The following EFR3A variants were observed in gnomAD, a reference collection of about 807,000 sequenced individuals.
The protein encoded by EFR3A is EFR3 homolog A, also known as protein EFR3 homolog A.
Under a neutral mutation model 104.4 loss-of-function variants are expected in EFR3A, and 76 were observed. The ratio of observed to expected loss-of-function variants is 0.73; its 90% CI spans 0.60 to 0.88. The LOEUF (loss-of-function observed/expected upper bound fraction) is 0.88. Ranked by LOEUF, EFR3A falls within the 40% of genes least tolerant of loss-of-function variation. The probability of loss-of-function intolerance (pLI) is 0.00; values close to 1 mark genes in which losing one functional copy is unlikely to be tolerated. For missense variants in EFR3A, 985 were observed against 1,012.5 expected (o/e 0.97, Z 0.37); for synonymous variants, 330 against 330.0 (o/e 1.00, Z 0.00).
chr8:131,925,516 A>G (rs144777386), intron 1 of EFR3A, among the ~76,000 whole-genome samples: 278 of 152,292 alleles, frequency 1.8e-3, no homozygotes, highest in Non-Finnish European at 3.1e-3. Context: ...AATGATTATG[A>G]AGAAATTATC....
rs202154268 is a variant in EFR3A at position 131,978,870 on chromosome 8, G to A, written c.1350G>A (p.Lys450=). The change falls in exon 13 of 23, where the codon AAG becomes AAA. Residue 450 remains lysine (K), a synonymous_variant. Transcript: ENST00000254624. The stretch of plus-strand genomic sequence containing the variant: ...AGGTGACCTCTGGATATAAAGCGAA[G>A]ACGATTGTTACTGCACTGCCAGGGT... The part of the protein sequence containing the change: ...LLMVTSGYKA[K]TIVTALPGSF... 6.9e-6 allele frequency: 11 copies of A among 1,603,938 alleles called. No individual in the cohort carries two copies. The African/African-American group carries it at 1.3e-4, about 20-fold the overall frequency.
At chr8:132,002,822 T>C in intron 21 of EFR3A, 116 bp downstream of exon 21, 1 of 777,158 alleles carries the variant, frequency 1.3e-6, no homozygotes, top group Non-Finnish European at 2.1e-6. Context: ...CACAGGAAAA[T>C]ATATCAGATA....
chr8:131,977,865 T>A (rs1820404495), intron 12 of EFR3A, among the ~76,000 whole-genome samples: 2 of 152,174 alleles, frequency 1.3e-5, no homozygotes, highest in South Asian at 4.1e-4. Flanking sequence ...ACTTTTTCAT[T>A]TGTATCTTAT....
rs572461728 is a variant in EFR3A at position 131,965,066 on chromosome 8, C to A, written c.856-3229C>A. ...CTTACACCTTATACAAAAATTAATT[C>A]AAGATGGATTAAAGACTTAAATGTT... On this transcript the variant is annotated intron_variant, in intron 8 of 22. Transcript: ENST00000254624. Among the ~76,000 whole-genome samples the A allele has an allele frequency of 1.8e-3, 267 of 152,156 alleles. 9 individuals are homozygous for A. The highest frequency in any genetic ancestry group is 4.7e-4 in the Non-Finnish European group (32 of 68,022).
intron 1 of EFR3A, among the ~76,000 whole-genome samples, chr8:131,910,071 G>T (rs1261347750): frequency 1.3e-5 from 2 of 152,190 alleles, no homozygotes; most frequent in Admixed American, 1.3e-4. Context: ...GCCAGGGTGG[G>T]CAGGTTCCCC....
At chr8:131,912,409 C>T (rs949122485) in intron 1 of EFR3A, among the ~76,000 whole-genome samples, 1 of 152,088 alleles carries the variant, frequency 6.6e-6, no homozygotes, top group African/African-American at 2.4e-5. Context: ...ACTATGAATC[C>T]TATGTGGTTA....
Position 132,010,968 on chromosome 8 carries a change from A to C in EFR3A, c.*73A>C. ...AGGCCAAGCTGAGCTTTCAGGGTTT[A>C]CTTAATGTGTATTAACATACTTCTT... On this transcript the variant is annotated 3_prime_UTR_variant, in exon 23 of 23. Coordinates refer to ENST00000254624, the MANE Select transcript of EFR3A (RefSeq NM_015137.6). The C allele has an allele frequency of 6.8e-7, 1 of 1,470,602 alleles. No individual in the cohort carries two copies. Among genetic ancestry groups the C allele is most frequent in the Non-Finnish European group, 9.2e-7 (1 of 1,090,246 alleles). 91.1% of individuals were successfully genotyped at this position (1,470,602 alleles called of 1,614,324 possible).
intron 5 of EFR3A, among the ~76,000 whole-genome samples, chr8:131,952,142 C>T (rs763177026): frequency 5.9e-5 from 9 of 152,004 alleles, no homozygotes; most frequent in Admixed American, 6.6e-5. Context: ...TTACCACCAC[C>T]ACCACCACCA....
At chr8:131,944,440 T>A (rs1171335231) in intron 2 of EFR3A, among the ~76,000 whole-genome samples, 1 of 152,110 alleles carries the variant, frequency 6.6e-6, no homozygotes, top group South Asian at 2.1e-4. Context: ...GTTTGAAATC[T>A]TTTTACATCT....
In EFR3A at chr8:131,936,218, G is replaced by A. The variant is rs570450108; in HGVS notation, c.11-4281G>A. Among the ~76,000 whole-genome samples the A allele has an allele frequency of 2.6e-5, 4 of 152,230 alleles. No individual in the cohort carries two copies. In the South Asian group the frequency reaches 6.2e-4, roughly 24 times the overall value. ...CTAAGAGGCATTGCTGAATCTATAT[G>A]AGAATGATGTTAGGGGAGCAAAGGA... On this transcript the variant is annotated intron_variant, in intron 1 of 22. Coordinates refer to ENST00000254624, the MANE Select transcript of EFR3A (RefSeq NM_015137.6).
At chr8:131,986,482 A>C (rs1820889017) in intron 17 of EFR3A, among the ~76,000 whole-genome samples, 1 of 152,084 alleles carries the variant, frequency 6.6e-6, no homozygotes, top group Admixed American at 6.6e-5. Flanking sequence ...TCTTGAAAAA[A>C]TTTTTTAAGA....
At chr8:131,922,837 G>GT (rs1817116370) in intron 1 of EFR3A, among the ~76,000 whole-genome samples, 1 of 152,000 alleles carries the variant, frequency 6.6e-6, no homozygotes, top group South Asian at 2.1e-4. Flanking sequence ...TTGGTTTCTT[G>GT]TTGTCTTTAC....
chr8:131,990,729 G>C (rs1821136105), intron 18 of EFR3A, among the ~76,000 whole-genome samples: 1 of 152,102 alleles, frequency 6.6e-6, no homozygotes, highest in Non-Finnish European at 1.5e-5. Context: ...TAGGAGAAAT[G>C]ACAGTGGCCC....
chr8:131,949,185 A>C (rs1818581181), intron 4 of EFR3A, among the ~76,000 whole-genome samples: 1 of 152,088 alleles, frequency 6.6e-6, no homozygotes, highest in African/African-American at 2.4e-5. Flanking sequence ...ATACTATGCA[A>C]CATTGGTTCA....
chr8:131,933,543 A>G (rs1356269794), intron 1 of EFR3A, among the ~76,000 whole-genome samples: 1 of 152,120 alleles, frequency 6.6e-6, no homozygotes, highest in Admixed American at 6.5e-5. Context: ...GAAATCTCTC[A>G]GAATAATATT....
intron 3 of EFR3A, among the ~76,000 whole-genome samples, chr8:131,945,799 T>C (rs1396776242): frequency 1.3e-5 from 2 of 152,084 alleles, no homozygotes; most frequent in Non-Finnish European, 2.9e-5. Context: ...TTCAAGTCCT[T>C]TTCTAGCTAC....
intron 4 of EFR3A, among the ~76,000 whole-genome samples, chr8:131,947,652 T>C (rs1023154872): frequency 3.3e-5 from 5 of 152,088 alleles, no homozygotes; most frequent in African/African-American, 1.2e-4. Context: ...TTTACTCCTA[T>C]AGTTTCTTCT....
chr8:131,904,327 G>A lies in EFR3A; in HGVS notation c.10+5G>A. The A allele has an allele frequency of 8.0e-7, 1 of 1,254,178 alleles. No individual in the cohort carries two copies. 77.7% of individuals were successfully genotyped at this position (1,254,178 alleles called of 1,614,324 possible). The stretch of plus-strand genomic sequence containing the variant: ...TCGAGATCGCCATGCCTACCCGTGA[G>A]TGGCCGGCCGAGGGCCGGGGGCGTT... On this transcript the variant is annotated splice_donor_5th_base_variant and intron_variant, in intron 1 of 22. Coordinates refer to ENST00000254624, the MANE Select transcript of EFR3A (RefSeq NM_015137.6).
chr8:131,990,217 GGTGC>G (rs1326511822), intron 18 of EFR3A, among the ~76,000 whole-genome samples: 1 of 152,120 alleles, frequency 6.6e-6, no homozygotes, highest in African/African-American at 2.4e-5. Flanking sequence ...TATTATTCTA[GGTGC>G]ATAGGAAATA....
Sources: allele counts gnomAD v4.1 joint callset (sites outside exome capture counted in the v4.1 genomes callset), GRCh38; gene constraint gnomAD v4.1.1; transcripts MANE v1.5; gene names NCBI Gene and HGNC (gene_info 2026-07-23, HGNC 2026-07-21).